The following MKLN1 variants were observed in gnomAD, a reference collection of about 807,000 sequenced individuals.
MKLN1 encodes muskelin.
A neutral mutation model predicts 99.0 loss-of-function variants in MKLN1; 18 were observed. The ratio of observed to expected loss-of-function variants is 0.18; its 90% confidence interval spans 0.13 to 0.27. MKLN1 has a LOEUF of 0.27. Ranked by LOEUF, MKLN1 falls within the 10% of genes least tolerant of loss-of-function variation. The pLI, the probability that MKLN1 is intolerant of heterozygous loss-of-function variation, is 1.00. For missense variants in MKLN1, 621 were observed against 875.9 expected, an observed-to-expected ratio of 0.71 and a Z score of 3.67; for synonymous variants, 288 against 293.2, an observed-to-expected ratio of 0.98 and a Z score of 0.18.
chr7:131,355,319 G>A (rs1799840541), intron 1 of MKLN1, among the ~76,000 whole-genome samples: 1 of 151,902 alleles, frequency 6.6e-6, no homozygotes, highest in African/African-American at 2.4e-5. Flanking sequence ...TATGGTCATA[G>A]GGAAACCTGT....
chr7:131,384,894 CATAAT>C (rs1307978549), intron 2 of MKLN1, among the ~76,000 whole-genome samples: 1 of 152,192 alleles, frequency 6.6e-6, no homozygotes, highest in African/African-American at 2.4e-5. Flanking sequence ...TAAAATCACA[CATAAT>C]ATAAAGTTAG....
intron 1 of MKLN1, among the ~76,000 whole-genome samples, chr7:131,335,120 A>G (rs528642967): frequency 2.6e-5 from 4 of 152,264 alleles, no homozygotes; most frequent in East Asian, 3.9e-4. Flanking sequence ...ATTAAAATCT[A>G]TTAATATGGG....
chr7:131,187,267 C>T (rs931327219), intron 2 of MKLN1, among the ~76,000 whole-genome samples: 3 of 151,698 alleles, frequency 2.0e-5, no homozygotes, highest in African/African-American at 4.8e-5. Flanking sequence ...ACTTTCCTAC[C>T]GCACAGTCAG....
chr7:131,434,532 C>G (rs1022403579), intron 9 of MKLN1, among the ~76,000 whole-genome samples: 1 of 151,142 alleles, frequency 6.6e-6, no homozygotes, highest in Non-Finnish European at 1.5e-5. Context: ...TTTCTGTTCT[C>G]TTTTCCTTCA....
intron 1 of MKLN1, among the ~76,000 whole-genome samples, chr7:131,137,129 A>C (rs538209860): frequency 6.6e-6 from 1 of 152,286 alleles, no homozygotes; most frequent in South Asian, 2.1e-4. Context: ...CAGGGGTTAC[A>C]GGTGCGAGCC....
intron 6 of MKLN1, among the ~76,000 whole-genome samples, chr7:131,406,246 C>A (rs1201488777): frequency 6.6e-6 from 1 of 151,546 alleles, no homozygotes. Flanking sequence ...TTATTTTCAA[C>A]CTTTATCCCT....
intron 3 of MKLN1, among the ~76,000 whole-genome samples, chr7:131,223,621 T>A (rs918847854): frequency 6.6e-6 from 1 of 152,096 alleles, no homozygotes; most frequent in Non-Finnish European, 1.5e-5. Flanking sequence ...CCATTCTCCA[T>A]CTCTAAAATG....
At chr7:131,318,084 T>G (rs1320732969) in intron 3 of MKLN1, among the ~76,000 whole-genome samples, 1 of 152,182 alleles carries the variant, frequency 6.6e-6, no homozygotes, top group Non-Finnish European at 1.5e-5. Context: ...ATTCAGGACT[T>G]GTACTCAGCT....
intron 4 of MKLN1, 35 bp from the exon 5 acceptor site, chr7:131,397,232 A>G (rs1280397208): frequency 2.2e-6 from 3 of 1,348,848 alleles, no homozygotes; most frequent in African/African-American, 1.5e-5. Context: ...CTGTGTTAAT[A>G]TTTTTCTTCT....
chr7:131,407,799 A>G (rs982122457), intron 6 of MKLN1, among the ~76,000 whole-genome samples: 2 of 151,596 alleles, frequency 1.3e-5, no homozygotes, highest in African/African-American at 4.9e-5. Context: ...TGCATTCTTC[A>G]AAGCCAACTC....
chr7:131,212,934 A>C (rs1002202503), intron 3 of MKLN1, among the ~76,000 whole-genome samples: 3 of 144,752 alleles, frequency 2.1e-5, no homozygotes, highest in African/African-American at 4.9e-5. Context: ...AAAAAAAAAA[A>C]ACAAAAAACA....
chr7:131,339,478 G>T (rs1799342922), intron 1 of MKLN1, among the ~76,000 whole-genome samples: 1 of 152,122 alleles, frequency 6.6e-6, no homozygotes, highest in South Asian at 2.1e-4. Flanking sequence ...GCCGAGGTGG[G>T]TGGATCACTT....
intron 2 of MKLN1, among the ~76,000 whole-genome samples, chr7:131,145,685 G>T (rs1370547523): frequency 6.6e-6 from 1 of 152,246 alleles, no homozygotes; most frequent in East Asian, 1.9e-4. Flanking sequence ...TTCAAAGTTT[G>T]AGGTCTATCC....
intron 16 of MKLN1, among the ~76,000 whole-genome samples, chr7:131,476,722 A>T (rs1796977936): frequency 6.6e-6 from 1 of 152,204 alleles, no homozygotes; most frequent in Non-Finnish European, 1.5e-5. Flanking sequence ...GTTGTCATTG[A>T]GGAAATAGAC....
chr7:131,455,567 C>A (rs866951014), intron 12 of MKLN1, among the ~76,000 whole-genome samples: 3 of 151,932 alleles, frequency 2.0e-5, no homozygotes, highest in African/African-American at 7.3e-5. Flanking sequence ...TAATGATTAA[C>A]GTTTACTGAT....
At chr7:131,202,030 C>T (rs1454675385) in intron 2 of MKLN1, among the ~76,000 whole-genome samples, 3 of 151,342 alleles carry the variant, frequency 2.0e-5, no homozygotes, top group African/African-American at 2.4e-5. Context: ...CTAGGGTCTG[C>T]GGGTGAAAGT....
At chr7:131,293,881 C>T (rs1204421901) in intron 3 of MKLN1, among the ~76,000 whole-genome samples, 1 of 152,076 alleles carries the variant, frequency 6.6e-6, no homozygotes, top group Non-Finnish European at 1.5e-5. Context: ...TCTTGATAGT[C>T]TAGAACAGGG....
At chr7:131,403,172 A>G (rs1005602076) in intron 6 of MKLN1, among the ~76,000 whole-genome samples, 2 of 152,158 alleles carry the variant, frequency 1.3e-5, no homozygotes, top group Admixed American at 1.3e-4. Flanking sequence ...GATATTAATA[A>G]CTTGCTGCAT....
intron 8 of MKLN1, among the ~76,000 whole-genome samples, chr7:131,427,429 A>T (rs185021939): frequency 6.6e-6 from 1 of 152,218 alleles, no homozygotes; most frequent in African/African-American, 2.4e-5. Context: ...AGAGTACATG[A>T]CTTTACAGTT....
Sources: allele counts gnomAD v4.1 joint callset (sites outside exome capture counted in the v4.1 genomes callset), GRCh38; gene constraint gnomAD v4.1.1; transcripts MANE v1.5; gene names NCBI Gene and HGNC (gene_info 2026-07-23, HGNC 2026-07-21).